Variants in MSRA observed in about 807,000 individuals in gnomAD.
The protein encoded by MSRA is mitochondrial peptide methionine sulfoxide reductase.
A neutral mutation model predicts 31.3 loss-of-function variants in MSRA; 54 were observed. The ratio of observed to expected loss-of-function variants is 1.73; its 90% CI spans 1.39 to 2.17. MSRA has a LOEUF of 2.17. Ranked by LOEUF, MSRA falls within the 30% of genes most tolerant of loss-of-function variation. The probability of loss-of-function intolerance (pLI) is 0.00; values close to 1 mark genes in which losing one functional copy is unlikely to be tolerated. For missense variants in MSRA, 507 were observed against 300.9 expected (o/e 1.69, Z -5.07); for synonymous variants, 169 against 116.5 (o/e 1.45, Z -2.90).
intron 3 of MSRA, among the ~76,000 whole-genome samples, chr8:10,283,836 T>TATATATATACACACACAC (rs1261287031): frequency 1.1e-3 from 59 of 53,142 alleles, no homozygotes; most frequent in African/African-American, 3.7e-3. Flanking sequence ...TATATATATA[T>TATATATATACACACACAC]ACACACACAC....
chr8:10,373,725 C>T (rs1021043982), intron 5 of MSRA, among the ~76,000 whole-genome samples: 28 of 152,230 alleles, frequency 1.8e-4, no homozygotes, highest in African/African-American at 6.0e-4. Flanking sequence ...GGGCACGTGC[C>T]GGGGGGCTGG....
intron 5 of MSRA, chr8:10,337,906 G>A (rs1458889444): frequency 1.0e-5 from 7 of 668,216 alleles, no homozygotes; most frequent in Middle Eastern, 3.1e-4. Context: ...TGACAGCAGG[G>A]CTTCGTGTTT....
At chr8:10,061,921 A>G (rs1288738271) in intron 1 of MSRA, among the ~76,000 whole-genome samples, 2 of 152,250 alleles carry the variant, frequency 1.3e-5, no homozygotes, top group Non-Finnish European at 2.9e-5. Flanking sequence ...GGAAGAGGTC[A>G]TTAAGCTCAG....
rs776056906 is a variant in MSRA, at chr8:10,138,715, G to T, written c.143-69118G>T. ...TCATCCTTGGAAAAAGAGGTTGCTC[G>T]CTGTTGATTTATTTCACAATTTTAT... On this transcript the variant is annotated intron_variant, in intron 1 of 5. Coordinates refer to ENST00000317173, the MANE Select transcript of MSRA (RefSeq NM_012331.5). 3.3e-5 allele frequency among the ~76,000 whole-genome samples: 5 copies of T among 152,214 alleles called. No individual in the cohort carries two copies. The East Asian group carries it at 9.6e-4, about 29-fold the overall frequency.
chr8:10,137,775 A>G (rs1802396741), intron 1 of MSRA, among the ~76,000 whole-genome samples: 1 of 152,150 alleles, frequency 6.6e-6, no homozygotes, highest in Non-Finnish European at 1.5e-5. Context: ...CCTTCCAGGT[A>G]ACCCCCTGAA....
At chr8:10,096,947 T>A (rs1234753273) in intron 1 of MSRA, among the ~76,000 whole-genome samples, 1 of 152,204 alleles carries the variant, frequency 6.6e-6, no homozygotes, top group African/African-American at 2.4e-5. Flanking sequence ...AGGAAAATTG[T>A]ATCTATTCAC....
rs549435070 is a variant in MSRA, at chr8:10,068,243, T to C, written c.142+13585T>C. ...GGATATCCTTTATCAGATGTGTCTT[T>C]TCCAATTTTTTCCCAGCCTGTGGCT... On this transcript the variant is annotated intron_variant, in intron 1 of 5. Coordinates refer to ENST00000317173, the MANE Select transcript of MSRA (RefSeq NM_012331.5). Among the ~76,000 whole-genome samples, 166 of 152,330 alleles carry C rather than the reference T, an allele frequency of 1.1e-3. 1 individual carries two copies. The highest frequency in any genetic ancestry group is 2.0e-3 in the Non-Finnish European group (136 of 68,028).
At chr8:10,073,432 A>G (rs1797840223) in intron 1 of MSRA, among the ~76,000 whole-genome samples, 1 of 152,214 alleles carries the variant, frequency 6.6e-6, no homozygotes, top group Non-Finnish European at 1.5e-5. Flanking sequence ...ACCAGAATCG[A>G]GTAGTTGTGA....
chr8:10,395,411 G>T (rs146563915), intron 5 of MSRA, among the ~76,000 whole-genome samples: 68 of 152,230 alleles, frequency 4.5e-4, no homozygotes, highest in African/African-American at 1.6e-3. Context: ...GGGAGTGGAG[G>T]TACTGAGGCT....
rs5889322 is a variant in MSRA, at chr8:10,171,368, C to CTT, written c.143-36450_143-36449dup. 9.6e-3 allele frequency among the ~76,000 whole-genome samples: 1,369 copies of CTT among 143,262 alleles called. 14 individuals carry two copies. Among genetic ancestry groups the CTT allele is most frequent in the African/African-American group, 0.027 (1,049 of 38,704 alleles). The allele number at this position is 143,262 out of a possible 152,430, so 94.0% of individuals were successfully genotyped here. On this transcript the variant is annotated intron_variant, in intron 1 of 5. Coordinates refer to ENST00000317173, the MANE Select transcript of MSRA (RefSeq NM_012331.5). ...GAGCACTATCCCAATTTAAACTGTA[C>CTT]TTTTTTTTTTTTTTTTAACAGAGCT...
At chr8:10,379,028 T>C (rs554377615) in intron 5 of MSRA, among the ~76,000 whole-genome samples, 48 of 152,366 alleles carry the variant, frequency 3.2e-4, no homozygotes, top group African/African-American at 1.1e-3. Context: ...ATGCTTATGT[T>C]GGACTTTTTT....
At chr8:10,148,536 G>A (rs753976965) in intron 1 of MSRA, among the ~76,000 whole-genome samples, 31 of 151,810 alleles carry the variant, frequency 2.0e-4, no homozygotes, top group Middle Eastern at 3.4e-3. Context: ...AATTCCAGCC[G>A]CTTGGGAGTC....
chr8:10,418,438 T>C (rs1385379140), intron 5 of MSRA, among the ~76,000 whole-genome samples: 1 of 152,136 alleles, frequency 6.6e-6, no homozygotes, highest in Non-Finnish European at 1.5e-5. Flanking sequence ...GCCTGGCGAC[T>C]GCTGGGGGAT....
chr8:10,285,694 C>G (rs1185365157), intron 3 of MSRA, among the ~76,000 whole-genome samples: 1 of 151,880 alleles, frequency 6.6e-6, no homozygotes, highest in African/African-American at 2.4e-5. Flanking sequence ...CTCTCTACTT[C>G]TATAAGATCA....
At chr8:10,353,325 C>G (rs1187111518) in intron 5 of MSRA, among the ~76,000 whole-genome samples, 2 of 152,182 alleles carry the variant, frequency 1.3e-5, no homozygotes, top group Admixed American at 6.5e-5. Flanking sequence ...AGCGCACTCA[C>G]CAAAATATAT....
At chr8:10,167,323 G>A (rs906774321) in intron 1 of MSRA, among the ~76,000 whole-genome samples, 2 of 152,172 alleles carry the variant, frequency 1.3e-5, no homozygotes, top group Admixed American at 6.5e-5. Flanking sequence ...AAATCACATG[G>A]AAACCAATCA....
chr8:10,283,836 T>TATATATATATATACACACAC (rs1261287031), intron 3 of MSRA, among the ~76,000 whole-genome samples: 13 of 53,158 alleles, frequency 2.4e-4, no homozygotes, highest in East Asian at 1.7e-3. Flanking sequence ...TATATATATA[T>TATATATATATATACACACAC]ACACACACAC....
At chr8:10,249,100 C>T (rs1419968829) in intron 3 of MSRA, among the ~76,000 whole-genome samples, 1 of 152,192 alleles carries the variant, frequency 6.6e-6, no homozygotes, top group Non-Finnish European at 1.5e-5. Flanking sequence ...GGCAGACCCA[C>T]AGAGCCTGAT....
chr8:10,204,179 T>TA (rs1378529991), intron 1 of MSRA, among the ~76,000 whole-genome samples: 1 of 152,138 alleles, frequency 6.6e-6, no homozygotes, highest in Admixed American at 6.5e-5. Flanking sequence ...AGTCGAAAAG[T>TA]AAAAAATAGT....
Sources: gnomAD v4.1 joint callset for allele counts (sites outside exome capture counted in the v4.1 genomes callset) on GRCh38, gnomAD v4.1.1 for gene constraint, MANE v1.5 for transcripts, NCBI Gene and HGNC (gene_info 2026-07-23, HGNC 2026-07-21) for gene names.